LHFPL4: variants seen among roughly 807,000 people sequenced by gnomAD.
LHFPL4 encodes the protein LHFPL tetraspan subfamily member 4, also known as LHFPL tetraspan subfamily member 4 protein.
A neutral mutation model predicts 20.0 loss-of-function variants in LHFPL4; 6 were observed. That is an observed-to-expected ratio of 0.30 (90% CI 0.16 to 0.59). The LOEUF is 0.59. Ranked by LOEUF, LHFPL4 falls within the 20% of genes least tolerant of loss-of-function variation. The pLI is 0.88. For missense variants in LHFPL4, 215 were observed against 331.2 expected, an observed-to-expected ratio of 0.65 and a Z score of 2.72; for synonymous variants, 129 against 143.8, an observed-to-expected ratio of 0.90 and a Z score of 0.74.
intron 2 of LHFPL4, among the ~76,000 whole-genome samples, chr3:9,518,004 AG>A (rs1279488095): frequency 1.3e-5 from 2 of 152,074 alleles, no homozygotes; most frequent in African/African-American, 4.8e-5. Flanking sequence ...TCTTGATCTT[AG>A]TGGGAAAACA....
In LHFPL4 at chr3:9,553,800, T is replaced by C. The variant is rs2046574508; in HGVS notation, c.-284A>G. ...GGCGGCCTCTGCGCGGCCTCCATCT[T>C]GCTCGGGTTCTCCCCGGGGCGCGCT... On this transcript the variant is annotated 5_prime_UTR_variant, in exon 1 of 4. Transcript: ENST00000287585. 6.6e-6 allele frequency: 1 copy of C among 150,500 alleles called. No homozygotes were observed. Among genetic ancestry groups the C allele is most frequent in the Non-Finnish European group, 1.5e-5 (1 of 67,448 alleles). The allele number at this position is 150,500 out of a possible 1,614,324, so 9.3% of individuals were successfully genotyped here.
chr3:9,539,477 T>C (rs1485228160), intron 2 of LHFPL4, among the ~76,000 whole-genome samples: 1 of 128,852 alleles, frequency 7.8e-6, no homozygotes, highest in Non-Finnish European at 1.7e-5. Context: ...AAAAAAGGAA[T>C]AGTTCAACCC....
At chr3:9,508,187 C>T (rs1284187587) in intron 2 of LHFPL4, among the ~76,000 whole-genome samples, 1 of 152,218 alleles carries the variant, frequency 6.6e-6, no homozygotes, top group East Asian at 1.9e-4. Flanking sequence ...TCCCAGGCCC[C>T]AGCCTCTTCC....
chr3:9,524,525 C>G (rs1175513817), intron 2 of LHFPL4, among the ~76,000 whole-genome samples: 2 of 152,076 alleles, frequency 1.3e-5, no homozygotes, highest in Non-Finnish European at 2.9e-5. Flanking sequence ...TCAGCCATGG[C>G]CAGTCTACTA....
At chr3:9,549,611 C>T (rs1000042706) in intron 2 of LHFPL4, among the ~76,000 whole-genome samples, 2 of 152,180 alleles carry the variant, frequency 1.3e-5, no homozygotes, top group African/African-American at 4.8e-5. Flanking sequence ...GCAGGAGAAT[C>T]ACTTGAACCC....
At chr3:9,502,427 C>T (rs1574835012) in intron 3 of LHFPL4, 116 bp from the exon 4 acceptor site, 3 of 760,292 alleles carry the variant, frequency 3.9e-6, no homozygotes, top group East Asian at 2.7e-5. Flanking sequence ...AGGGGCCGGG[C>T]GCGGTGGCTG....
At chr3:9,551,298 G>T (rs7649416) in intron 2 of LHFPL4, among the ~76,000 whole-genome samples, 2 of 151,780 alleles carry the variant, frequency 1.3e-5, no homozygotes, top group Non-Finnish European at 2.9e-5. Context: ...CTCATCCCTG[G>T]AAGACTCCAA....
At chr3:9,525,635 T>C (rs1296733978) in intron 2 of LHFPL4, among the ~76,000 whole-genome samples, 1 of 152,178 alleles carries the variant, frequency 6.6e-6, no homozygotes, top group Non-Finnish European at 1.5e-5. Context: ...ATGCATACTA[T>C]GAAATGCATT....
At chr3:9,526,708 C>A (rs1250821098) in intron 2 of LHFPL4, among the ~76,000 whole-genome samples, 1 of 152,160 alleles carries the variant, frequency 6.6e-6, no homozygotes, top group Non-Finnish European at 1.5e-5. Context: ...GCTCTAAGTC[C>A]AATCACTGGT....
chr3:9,522,499 G>T lies in LHFPL4; in HGVS notation c.407-16296C>A, dbSNP rs542879427. ...TCATGCCTGTAATCCCAGCACTTTG[G>T]GAGGCCAAGGCGGGCAGATCACCTA... On this transcript the variant is annotated intron_variant, in intron 2 of 3. Coordinates refer to ENST00000287585, the MANE Select transcript of LHFPL4 (RefSeq NM_198560.3). Among the ~76,000 whole-genome samples, 229 of 151,948 alleles carry T rather than the reference G, an allele frequency of 1.5e-3. 3 individuals are homozygous for T. Among genetic ancestry groups the T allele is most frequent in the African/African-American group, 5.3e-3 (221 of 41,484 alleles).
Position 9,500,238 on chromosome 3 carries a change from A to G in LHFPL4, c.*1973T>C, listed in dbSNP as rs368115890. The G allele has an allele frequency of 6.6e-6, 1 of 151,732 alleles. No homozygotes were observed. The allele number at this position is 151,732 out of a possible 1,614,324, so 9.4% of individuals were successfully genotyped here. The stretch of plus-strand genomic sequence containing the variant: ...CCCTCCAACGCTGGGCTTGGTTTGC[A>G]TCTTTGAGGAACTCCCTCCTACCCC... On this transcript the variant is annotated 3_prime_UTR_variant, in exon 4 of 4. Coordinates refer to ENST00000287585, the MANE Select transcript of LHFPL4 (RefSeq NM_198560.3).
intron 2 of LHFPL4, among the ~76,000 whole-genome samples, chr3:9,539,451 T>C (rs1269752697): frequency 1.0e-5 from 1 of 99,610 alleles, no homozygotes; most frequent in Non-Finnish European, 2.0e-5. Flanking sequence ...TGAAACTTCG[T>C]CTCAAAAAAA....
At chr3:9,505,871 T>A in intron 3 of LHFPL4, 96 bp downstream of exon 3, 1 of 1,202,710 alleles carries the variant, frequency 8.3e-7, no homozygotes. Context: ...GGTTTCCAAT[T>A]CATGCAACCC....
intron 2 of LHFPL4, among the ~76,000 whole-genome samples, chr3:9,543,921 C>T (rs2046495161): frequency 6.6e-6 from 1 of 151,774 alleles, no homozygotes; most frequent in Non-Finnish European, 1.5e-5. Context: ...TGGGGTTTCA[C>T]CATGTTGCCC....
chr3:9,508,479 A>G (rs933967891), intron 2 of LHFPL4, among the ~76,000 whole-genome samples: 5 of 152,214 alleles, frequency 3.3e-5, no homozygotes, highest in Non-Finnish European at 7.3e-5. Context: ...GGATGAGTTA[A>G]AGAATTAGCA....
chr3:9,547,248 G>A (rs1352493269), intron 2 of LHFPL4, among the ~76,000 whole-genome samples: 2 of 152,156 alleles, frequency 1.3e-5, no homozygotes, highest in East Asian at 1.9e-4. Context: ...CTCAGCCTTC[G>A]AAAATGCTGA....
chr3:9,538,332 A>G (rs556674005), intron 2 of LHFPL4, among the ~76,000 whole-genome samples: 4 of 152,180 alleles, frequency 2.6e-5, no homozygotes, highest in African/African-American at 9.6e-5. Context: ...CCGAACTCCA[A>G]AGCCACTGTC....
chr3:9,513,843 A>G (rs930342058), intron 2 of LHFPL4, among the ~76,000 whole-genome samples: 1 of 152,210 alleles, frequency 6.6e-6, no homozygotes, highest in Admixed American at 6.5e-5. Flanking sequence ...GGTCACCATC[A>G]TCGACTGTAA....
At position 9,502,029 on chromosome 3, in the gene LHFPL4, C is replaced by G. The variant is rs1258921999; in HGVS notation, c.*182G>C. On this transcript the variant is annotated 3_prime_UTR_variant, in exon 4 of 4. Coordinates refer to ENST00000287585, the MANE Select transcript of LHFPL4 (RefSeq NM_198560.3). Reference sequence around the variant, plus strand: ...TAGACCCTCCCAAGGTTTGGAGGGCCTCTCCTCTCCCCCAGGCCACATCCA... The same window carrying G: ...TAGACCCTCCCAAGGTTTGGAGGGCGTCTCCTCTCCCCCAGGCCACATCCA... The G allele has an allele frequency of 8.1e-6, 5 of 616,104 alleles. No individual in the cohort carries two copies. Among genetic ancestry groups the G allele is most frequent in the Non-Finnish European group, 2.9e-6 (1 of 340,522 alleles). The allele number at this position is 616,104 out of a possible 1,614,324, so 38.2% of individuals were successfully genotyped here.
Sources: gnomAD v4.1 joint callset for allele counts (sites outside exome capture counted in the v4.1 genomes callset) on GRCh38, gnomAD v4.1.1 for gene constraint, MANE v1.5 for transcripts, NCBI Gene and HGNC (gene_info 2026-07-23, HGNC 2026-07-21) for gene names.